ETFA: variants seen among roughly 807,000 people sequenced by gnomAD.
ETFA encodes electron transfer flavoprotein subunit alpha, mitochondrial.
A neutral mutation model predicts 46.2 loss-of-function variants in ETFA; 22 were observed. The ratio of observed to expected loss-of-function variants is 0.48; its 90% CI spans 0.34 to 0.68. The LOEUF (loss-of-function observed/expected upper bound fraction) is 0.68, where lower values mean the gene tolerates loss of function less well. Ranked by LOEUF, ETFA falls within the 30% of genes least tolerant of loss-of-function variation. The pLI is 0.01. For synonymous variants in ETFA, 131 were observed against 139.9 expected (o/e 0.94, Z 0.45); for missense variants, 345 against 401.1 (o/e 0.86, Z 1.19).
At chr15:76,282,829 A>G (rs576128122) in intron 8 of ETFA, among the ~76,000 whole-genome samples, 1 of 151,952 alleles carries the variant, frequency 6.6e-6, no homozygotes, top group African/African-American at 2.4e-5. Flanking sequence ...CTTTAAAAAG[A>G]TTTTTTTTCA....
At chr15:76,220,745 T>C (rs1359260022) in intron 11 of ETFA, among the ~76,000 whole-genome samples, 1 of 152,132 alleles carries the variant, frequency 6.6e-6, no homozygotes, top group Admixed American at 6.5e-5. Context: ...TCATTTGCCA[T>C]CAGGGAAATA....
At chr15:76,220,519 G>T (rs886426745) in intron 11 of ETFA, among the ~76,000 whole-genome samples, 3 of 152,122 alleles carry the variant, frequency 2.0e-5, no homozygotes, top group Non-Finnish European at 4.4e-5. Flanking sequence ...TGCTTTAAAG[G>T]ACACCATTAA....
intron 9 of ETFA, chr15:76,259,311 C>T (rs942067152): frequency 4.3e-5 from 69 of 1,592,272 alleles, no homozygotes; most frequent in Admixed American, 1.0e-4. Flanking sequence ...CAGTTCCATT[C>T]GCAGACAAGT....
In ETFA at chr15:76,237,763, C is replaced by A. The variant is rs146401766; in HGVS notation, c.817-6365G>T. Among the ~76,000 whole-genome samples the A allele has an allele frequency of 7.6e-4, 115 of 152,192 alleles. 1 individual carries two copies. The highest frequency in any genetic ancestry group is 2.2e-3 in the African/African-American group (92 of 41,530). ...TAGTTCTAAACAGAAAAGGAGACAG[C>A]CAACTGTCAAAAATTTCACTTTAAA... On this transcript the variant is annotated intron_variant, in intron 9 of 11. Transcript: ENST00000557943.
At chr15:76,217,330 T>A (rs1269991904) in intron 11 of ETFA, among the ~76,000 whole-genome samples, 1 of 152,234 alleles carries the variant, frequency 6.6e-6, no homozygotes, top group Non-Finnish European at 1.5e-5. Flanking sequence ...CAACCTCCTT[T>A]ATACTTGTTC....
Position 76,286,450 on chromosome 15 carries a change from C to G in ETFA, c.483G>C (p.Glu161Asp). ...GNALCTVKCD[E>D]KVKVFSVRGT... ...CACGGACAGAAAACACTTTCACTTTCTCATCACACTTCACTGTACATAGAG... is the reference window on the plus strand; with the variant it reads ...CACGGACAGAAAACACTTTCACTTTGTCATCACACTTCACTGTACATAGAG... The change falls in exon 6 of 12, where the codon GAG becomes GAC. Residue 161 changes from glutamate (E) to aspartate (D), a missense_variant. Glu to Asp is a conservative substitution (Grantham distance 45, BLOSUM62 2). Transcript: ENST00000557943. The G allele has an allele frequency of 1.2e-6, 2 of 1,613,126 alleles. No individual in the cohort carries two copies. Among genetic ancestry groups the G allele is most frequent in the Non-Finnish European group, 1.7e-6 (2 of 1,179,088 alleles).
At chr15:76,243,041 A>C (rs575221701) in intron 9 of ETFA, among the ~76,000 whole-genome samples, 1 of 152,350 alleles carries the variant, frequency 6.6e-6, no homozygotes, top group African/African-American at 2.4e-5. Flanking sequence ...TCACACTTAT[A>C]ATCCCAGCAC....
At chr15:76,217,099 G>C (rs547679150) in intron 11 of ETFA, among the ~76,000 whole-genome samples, 1 of 152,120 alleles carries the variant, frequency 6.6e-6, no homozygotes, top group Non-Finnish European at 1.5e-5. Flanking sequence ...TTACAGGCGT[G>C]AACCACTGCA....
chr15:76,288,063 T>C, intron 4 of ETFA, 118 bp from the exon 5 acceptor site: 2 of 729,846 alleles, frequency 2.7e-6, no homozygotes, highest in Non-Finnish European at 2.4e-6. Flanking sequence ...AAATATTTTA[T>C]ATTTCGTGTG....
intron 11 of ETFA, chr15:76,217,732 G>A (rs1533600): frequency 0.99 from 405,286 of 409,296 alleles, 200,779 homozygotes; most frequent in South Asian, 1. Flanking sequence ...CTTGTGCAAA[G>A]TATCAATTAC....
intron 9 of ETFA, among the ~76,000 whole-genome samples, chr15:76,262,887 A>G (rs2039430961): frequency 6.6e-6 from 1 of 152,206 alleles, no homozygotes; most frequent in African/African-American, 2.4e-5. Context: ...TCTCATTAGA[A>G]ACAATGAAGA....
At chr15:76,235,278 T>G (rs1261781692) in intron 9 of ETFA, among the ~76,000 whole-genome samples, 7 of 152,172 alleles carry the variant, frequency 4.6e-5, no homozygotes, top group African/African-American at 1.7e-4. Flanking sequence ...GGTGGCCAGG[T>G]GGGCTCCTGA....
At chr15:76,273,581 A>C (rs1312102494) in intron 9 of ETFA, among the ~76,000 whole-genome samples, 2 of 151,796 alleles carry the variant, frequency 1.3e-5, no homozygotes, top group African/African-American at 4.8e-5. Context: ...ACAAAACAAA[A>C]CAAAAAAAAC....
At chr15:76,293,531 T>C (rs1210605277) in intron 2 of ETFA, among the ~76,000 whole-genome samples, 1 of 152,256 alleles carries the variant, frequency 6.6e-6, no homozygotes, top group African/African-American at 2.4e-5. Context: ...CTGAGAAAGC[T>C]TTTTGATGAT....
At chr15:76,288,041 A>G in intron 4 of ETFA, 96 bp from the exon 5 acceptor site, 1 of 812,558 alleles carries the variant, frequency 1.2e-6, no homozygotes, top group African/African-American at 1.7e-5. Context: ...TATTCTGTAG[A>G]AATTTTAATT....
intron 1 of ETFA, among the ~76,000 whole-genome samples, chr15:76,304,732 G>A (rs1171386654): frequency 6.6e-6 from 1 of 151,304 alleles, no homozygotes; most frequent in African/African-American, 2.4e-5. Context: ...ACTAAAAAAT[G>A]AAGTGATGTT....
At chr15:76,253,326 C>T (rs964281476) in intron 9 of ETFA, among the ~76,000 whole-genome samples, 6 of 152,190 alleles carry the variant, frequency 3.9e-5, no homozygotes, top group South Asian at 2.1e-4. Flanking sequence ...ACAAAATTCA[C>T]GGCATCCTTT....
chr15:76,307,873 A>AT (rs1289195536), intron 1 of ETFA, among the ~76,000 whole-genome samples: 8 of 151,984 alleles, frequency 5.3e-5, no homozygotes, highest in African/African-American at 1.7e-4. Context: ...TCCTAACTTT[A>AT]TTTTTTTAAA....
At chr15:76,235,064 C>T (rs1485135057) in intron 9 of ETFA, among the ~76,000 whole-genome samples, 1 of 152,190 alleles carries the variant, frequency 6.6e-6, no homozygotes, top group Non-Finnish European at 1.5e-5. Flanking sequence ...CCTCTGCCAT[C>T]TGATAGCTGC....
Sources: allele counts gnomAD v4.1 joint callset (sites outside exome capture counted in the v4.1 genomes callset), GRCh38; gene constraint gnomAD v4.1.1; transcripts MANE v1.5; gene names NCBI Gene and HGNC (gene_info 2026-07-23, HGNC 2026-07-21).